FBXO32: variants seen among roughly 807,000 people sequenced by gnomAD.
The protein encoded by FBXO32 is F-box protein 32.
In FBXO32, 15 loss-of-function variants were observed where a neutral mutation model predicts 48.3. The observed-to-expected ratio is 0.31, with a 90% CI of 0.21 to 0.48. The LOEUF (loss-of-function observed/expected upper bound fraction) is 0.48, where lower values mean the gene tolerates loss of function less well. Among genes scored for constraint, FBXO32 ranks in the 20% least tolerant of loss-of-function variants. The pLI is 0.99. For synonymous variants in FBXO32, 154 were observed against 165.9 expected (o/e 0.93, Z 0.55); for missense variants, 309 against 432.7 (o/e 0.71, Z 2.54).
chr8:123,503,547 G>C (rs1816543819), intron 8 of FBXO32, 85 bp from the exon 9 acceptor site: 1 of 981,084 alleles, frequency 1.0e-6, no homozygotes. Flanking sequence ...CAACTTCAAA[G>C]CAACAATTCT....
At chr8:123,521,056 T>C (rs532193749) in intron 4 of FBXO32, among the ~76,000 whole-genome samples, 2 of 152,346 alleles carry the variant, frequency 1.3e-5, no homozygotes, top group South Asian at 2.1e-4. Context: ...GGCCATCTTA[T>C]GCAAAAACCT....
At chr8:123,538,809 A>G (rs1817358427) in intron 1 of FBXO32, among the ~76,000 whole-genome samples, 1 of 152,086 alleles carries the variant, frequency 6.6e-6, no homozygotes, top group Admixed American at 6.5e-5. Context: ...GGGAAGAAAA[A>G]GAGGCTCATG....
Position 123,530,133 on chromosome 8 carries a change from G to T in FBXO32, c.372+1765C>A, listed in dbSNP as rs150198573. On this transcript the variant is annotated intron_variant, in intron 4 of 8. Transcript: ENST00000517956. The stretch of plus-strand genomic sequence containing the variant: ...AGGTCTCTTATTTTTATCCCTTTTG[G>T]ATTGGAAGAAGAGCTTAGCCGAAGA... 7.9e-4 allele frequency among the ~76,000 whole-genome samples: 120 copies of T among 152,238 alleles called. 1 individual carries two copies. Among genetic ancestry groups the T allele is most frequent in the Admixed American group, 2.2e-3 (33 of 15,296 alleles).
intron 4 of FBXO32, chr8:123,527,156 A>G (rs990033145): frequency 3.9e-5 from 6 of 152,234 alleles, no homozygotes; most frequent in Admixed American, 3.9e-4. Flanking sequence ...GCGGCAGGCT[A>G]TTGACCTGAG....
chr8:123,514,680 G>A (rs1251882132), intron 4 of FBXO32, among the ~76,000 whole-genome samples: 1 of 152,254 alleles, frequency 6.6e-6, no homozygotes, highest in African/African-American at 2.4e-5. Flanking sequence ...GAGTTCTGCA[G>A]AATCACCTCC....
intron 1 of FBXO32, among the ~76,000 whole-genome samples, chr8:123,539,781 T>C (rs2130567052): frequency 6.6e-6 from 1 of 152,338 alleles, no homozygotes; most frequent in East Asian, 1.9e-4. Context: ...AGCGGGAACC[T>C]GGCCCAGAAA....
chr8:123,532,850 G>A (rs1817235980), intron 3 of FBXO32, among the ~76,000 whole-genome samples: 1 of 152,222 alleles, frequency 6.6e-6, no homozygotes, highest in Admixed American at 6.5e-5. Flanking sequence ...TAACTGAGTT[G>A]AAGTCCAAAG....
At position 123,504,028 on chromosome 8, in the gene FBXO32, C is replaced by T. The variant is rs371281045; in HGVS notation, c.979-566G>A. 2.1e-4 allele frequency among the ~76,000 whole-genome samples: 31 copies of T among 149,518 alleles called. 1 individual carries two copies. Among genetic ancestry groups the T allele is most frequent in the South Asian group, 4.3e-4 (2 of 4,692 alleles). ...CTGGGAGGTGGAGGTTGCAATGAGC[C>T]GAGGTCCCACCACTGCACTCCAACC... On this transcript the variant is annotated intron_variant, in intron 8 of 8. Transcript: ENST00000517956.
At chr8:123,519,723 C>A (rs1816913219) in intron 4 of FBXO32, among the ~76,000 whole-genome samples, 1 of 151,998 alleles carries the variant, frequency 6.6e-6, no homozygotes, top group African/African-American at 2.4e-5. Flanking sequence ...ACTCTATAGG[C>A]CCAGAGCTAC....
At position 123,503,421 on chromosome 8, in the gene FBXO32, G is replaced by A. The variant is rs763445316; in HGVS notation, c.1020C>T (p.Cys340=). 1.9e-5 allele frequency: 30 copies of A among 1,614,086 alleles called. No individual in the cohort carries two copies. In the Admixed American group the frequency reaches 3.8e-4, roughly 21 times the overall value. ...HPCTANNPES[C]SVSLSPQDFI... ...AGTCCTGGGGTGAAAGTGAAACGGA[G>A]CAGCTCTCTGGGTTATTGGCAGTGC... Residue 340 remains cysteine (C), a synonymous_variant, in exon 9 of 9, where the codon TGC becomes TGT. Coordinates refer to ENST00000517956, the MANE Select transcript of FBXO32 (RefSeq NM_058229.4).
intron 7 of FBXO32, among the ~76,000 whole-genome samples, chr8:123,505,672 G>T (rs955665111): frequency 6.6e-6 from 1 of 152,210 alleles, no homozygotes; most frequent in Non-Finnish European, 1.5e-5. Flanking sequence ...GGAGGCAGAG[G>T]TTGCAGTGAG....
At chr8:123,515,405 G>GTTT (rs748861766) in intron 4 of FBXO32, among the ~76,000 whole-genome samples, 28 of 139,398 alleles carry the variant, frequency 2.0e-4, no homozygotes, top group African/African-American at 7.1e-4. Flanking sequence ...CTGGCTAACA[G>GTTT]TTTTTTTTTT....
chr8:123,509,219 C>T (rs1816689583), intron 6 of FBXO32, among the ~76,000 whole-genome samples: 1 of 152,148 alleles, frequency 6.6e-6, no homozygotes, highest in Non-Finnish European at 1.5e-5. Context: ...TGGAAGGAGA[C>T]TGACAGAACT....
rs1016362454 is a variant in FBXO32 at position 123,503,231 on chromosome 8, A to G, written c.*142T>C. 8.0e-5 allele frequency: 46 copies of G among 578,072 alleles called. No homozygotes were observed. The highest frequency in any genetic ancestry group is 6.1e-4 in the African/African-American group (32 of 52,400). 35.8% of individuals were successfully genotyped at this position (578,072 alleles called of 1,614,324 possible). ...TCAGCAACTGCATTTCTCCCCTCCA[A>G]TGTCCTCTCCATGACTTATCTCTGA... On this transcript the variant is annotated 3_prime_UTR_variant, in exon 9 of 9. Coordinates refer to ENST00000517956, the MANE Select transcript of FBXO32 (RefSeq NM_058229.4).
Position 123,503,462 on chromosome 8 carries a change from C to T in FBXO32, c.979G>A (p.Gly327Ser). The T allele has an allele frequency of 6.2e-7, 1 of 1,613,542 alleles. No individual in the cohort carries two copies. The highest frequency in any genetic ancestry group is 1.1e-5 in the South Asian group (1 of 91,028). The change falls in exon 9 of 9, where the codon GGC (glycine) becomes AGC (serine). Residue 327 changes from glycine to serine, a missense_variant and splice_region_variant. Transcript: ENST00000517956. The stretch of plus-strand genomic sequence containing the variant: ...TTGGCAGTGCACGGATGGTCAGTGC[C>T]CTGGAAAGGAACACATGGTTAGCTT... ...CKHCHILSWKGTDHPCTANNP... is the reference protein window; with the variant it reads ...CKHCHILSWKSTDHPCTANNP...
rs1254039687 is a variant in FBXO32 at position 123,540,523 on chromosome 8, G to A, written c.116+376C>T. ...GAAGGGGCTCAGCCCACCCGCCCGCGCCCCCACATGGGCAAAGTGCGCGAC... is the reference window on the plus strand; with the variant it reads ...GAAGGGGCTCAGCCCACCCGCCCGCACCCCCACATGGGCAAAGTGCGCGAC... On this transcript the variant is annotated intron_variant, in intron 1 of 8. Transcript: ENST00000517956. This position sits in a 1 kb window ranked among gnomAD's most constrained non-coding sequence, Gnocchi z 6.4. Among the ~76,000 whole-genome samples the A allele has an allele frequency of 5.3e-5, 8 of 152,170 alleles. No homozygotes were observed. Among genetic ancestry groups the A allele is most frequent in the Non-Finnish European group, 1.2e-4 (8 of 68,010 alleles).
chr8:123,541,114 A>C lies in FBXO32; in HGVS notation c.-100T>G. 3.1e-6 allele frequency: 2 copies of C among 639,720 alleles called. No homozygotes were observed. The highest frequency in any genetic ancestry group is 4.6e-6 in the Non-Finnish European group (2 of 433,916). 39.6% of individuals were successfully genotyped at this position (639,720 alleles called of 1,614,324 possible). A position where few individuals can be genotyped will look rare whatever the true frequency, so the allele number is the denominator to read the frequency against. ...GATGCTCGGGGTGCAGGGGCCCGCG[A>C]CGGGGGCGGCGGGGCGGCGGGAACG... is the stretch of plus-strand genomic sequence containing the variant. On this transcript the variant is annotated 5_prime_UTR_variant, in exon 1 of 9. Coordinates refer to ENST00000517956, the MANE Select transcript of FBXO32 (RefSeq NM_058229.4).
chr8:123,531,673 GGCCCCTGCCCATC>G (rs1245601667), intron 4 of FBXO32, among the ~76,000 whole-genome samples: 2 of 152,186 alleles, frequency 1.3e-5, no homozygotes, highest in Non-Finnish European at 2.9e-5. Flanking sequence ...GTATTATGGC[GGCCCCTGCCCATC>G]CTGGCCAATC....
chr8:123,516,281 T>C (rs1184969250), intron 4 of FBXO32, among the ~76,000 whole-genome samples: 2 of 152,176 alleles, frequency 1.3e-5, no homozygotes, highest in Admixed American at 1.3e-4. Flanking sequence ...GAGAAAACTA[T>C]TAGGCTGGTG....
Sources: allele counts gnomAD v4.1 joint callset (sites outside exome capture counted in the v4.1 genomes callset), GRCh38; gene constraint gnomAD v4.1.1; non-coding constraint Gnocchi (gnomAD v3.1); transcripts MANE v1.5; gene names NCBI Gene and HGNC (gene_info 2026-07-23, HGNC 2026-07-21).